The following TMOD4 variants were observed in gnomAD, a reference collection of about 807,000 sequenced individuals.
TMOD4 encodes the protein tropomodulin-4.
A neutral mutation model predicts 45.4 loss-of-function variants in TMOD4; 34 were observed. The observed-to-expected ratio is 0.75, with a 90% CI of 0.57 to 1.00. TMOD4 has a LOEUF of 1.00. Among genes scored for constraint, TMOD4 ranks in the 50% least tolerant of loss-of-function variants. TMOD4 has a pLI of 0.00. For missense variants in TMOD4, 399 were observed against 437.5 expected (o/e 0.91, Z 0.78); for synonymous variants, 131 against 153.9 (o/e 0.85, Z 1.10).
At chr1:151,172,725 C>T (rs1276073113) in intron 4 of TMOD4, among the ~76,000 whole-genome samples, 12 of 152,014 alleles carry the variant, frequency 7.9e-5, no homozygotes, top group Admixed American at 4.6e-4. Flanking sequence ...CTCCACCTCC[C>T]GGGTTCAAGC....
intron 5 of TMOD4, 62 bp from the exon 6 acceptor site, chr1:151,171,825 TTTC>T: frequency 1.3e-6 from 2 of 1,537,610 alleles, no homozygotes; most frequent in South Asian, 1.3e-5. Context: ...CCCCATTGGT[TTTC>T]TTTTCTTTTC....
chr1:151,175,160 TC>T (rs959746980), intron 1 of TMOD4: 8 of 385,140 alleles, frequency 2.1e-5, no homozygotes, highest in African/African-American at 1.5e-4. Context: ...GGGTTTGTCT[TC>T]CCACGGTATG....
chr1:151,172,430 T>C (rs771799404), intron 4 of TMOD4, 73 bp from the exon 5 acceptor site: 2 of 1,212,536 alleles, frequency 1.6e-6, no homozygotes, highest in East Asian at 2.4e-5. Context: ...TACCTATTTC[T>C]GAATCTGTTG....
Position 151,174,805 on chromosome 1 carries a change from C to T in TMOD4, c.71G>A (p.Ser24Asn), listed in dbSNP as rs760691394. 3 of 1,614,170 alleles carry T rather than the reference C, an allele frequency of 1.9e-6. No individual in the cohort carries two copies. Among genetic ancestry groups the T allele is most frequent in the South Asian group, 2.2e-5 (2 of 91,078 alleles). The stretch of plus-strand genomic sequence containing the variant: ...GTCCAGCTGCTCTAGCTCCTCGGGG[C>T]TCAAGGTCCTTAGGATCTCATCTTC... ...IDEDEILRTL[S>N]PEELEQLDCE... The change falls in exon 2 of 10, where the codon AGC becomes AAC. Residue 24 changes from serine (S) to asparagine (N), a missense_variant. Coordinates refer to ENST00000295314, the MANE Select transcript of TMOD4 (RefSeq NM_013353.3).
In TMOD4 at chr1:151,170,557, G is replaced by A; in HGVS notation, c.977C>T (p.Ala326Val). Residue 326 changes from alanine (A) to valine (V), a missense_variant, in exon 9 of 10, where the codon GCT (alanine) becomes GTT (valine). Coordinates refer to ENST00000295314, the MANE Select transcript of TMOD4 (RefSeq NM_013353.3). The stretch of plus-strand genomic sequence containing the variant: ...TCGGGTCATGGCCTGGGCTGCCCGA[G>A]CTCGTGGCCCCTGCTGTGTAAAGTG... The part of the protein sequence containing the change: ...GYHFTQQGPR[A>V]RAAQAMTRNN... 1 of 1,614,226 alleles carries A rather than the reference G, an allele frequency of 6.2e-7. No homozygotes were observed. Among genetic ancestry groups the A allele is most frequent in the Non-Finnish European group, 8.5e-7 (1 of 1,180,048 alleles).
chr1:151,174,626 G>A, intron 2 of TMOD4, 79 bp from the exon 3 acceptor site: 4 of 1,595,518 alleles, frequency 2.5e-6, no homozygotes, highest in Non-Finnish European at 1.7e-6. Flanking sequence ...AACATCACCG[G>A]ACACCTTTCC....
At position 151,170,344 on chromosome 1, in the gene TMOD4, T is replaced by G. The variant is rs587682722; in HGVS notation, c.1015+175A>C. The G allele has an allele frequency of 3.0e-5, 30 of 991,144 alleles. No homozygotes were observed. The Admixed American group carries it at 4.0e-4, about 13-fold the overall frequency. The allele number at this position is 991,144 out of a possible 1,614,324, so 61.4% of individuals were successfully genotyped here. A position where few individuals can be genotyped will look rare whatever the true frequency, so the allele number is the denominator to read the frequency against. On this transcript the variant is annotated intron_variant, in intron 9 of 9. Coordinates refer to ENST00000295314, the MANE Select transcript of TMOD4 (RefSeq NM_013353.3). Reference sequence around the variant, plus strand: ...TTCTACCTCTCTACTGGTCCATATTTGGGGCAGGGGGAGTTTTCTGTTTAC... The same window carrying G: ...TTCTACCTCTCTACTGGTCCATATTGGGGGCAGGGGGAGTTTTCTGTTTAC...
In TMOD4 at chr1:151,173,712, T is replaced by TCACGAAGGGA. The variant is rs1684021912; in HGVS notation, c.281-107_281-98dup. On this transcript the variant is annotated intron_variant, in intron 3 of 9. Transcript: ENST00000295314. ...CTCCTCCAGGAGGTAGAATGCTGCGTCACGAAGGGACACTGGAAAGCCTGA... is the reference window on the plus strand; with the variant it reads ...CTCCTCCAGGAGGTAGAATGCTGCGTCACGAAGGGACACGAAGGGACACTGGAAAGCCTGA... 3.5e-6 allele frequency: 3 copies of TCACGAAGGGA among 858,422 alleles called. No homozygotes were observed. The Admixed American group carries it at 5.6e-5, about 16-fold the overall frequency. The allele number at this position is 858,422 out of a possible 1,614,324, so 53.2% of individuals were successfully genotyped here.
chr1:151,175,100 G>C, intron 1 of TMOD4, 183 bp from the exon 2 acceptor site: 1 of 497,964 alleles, frequency 2.0e-6, no homozygotes, highest in Non-Finnish European at 3.6e-6. Context: ...TCTCCTTTCT[G>C]CTTCCCCAGC....
chr1:151,174,491 C>A lies in TMOD4; in HGVS notation c.180G>T (p.Thr60=), dbSNP rs769520615. 6.2e-7 allele frequency: 1 copy of A among 1,614,188 alleles called. No individual in the cohort carries two copies. Among genetic ancestry groups the A allele is most frequent in the Non-Finnish European group, 8.5e-7 (1 of 1,180,046 alleles). ...AAAGGGCCTCTCGGTCCAGTGGCCC[C>A]GTTGGGCTCTTCTTTGTCTGGTCAC... is the stretch of plus-strand genomic sequence containing the variant. The part of the protein sequence containing the change: ...RQRDQTKKSP[T]GPLDREALLQ... The change falls in exon 3 of 10, where the codon ACG becomes ACT. Residue 60 remains threonine (T), a synonymous_variant. Transcript: ENST00000295314.
At position 151,174,837 on chromosome 1, in the gene TMOD4, GTC is replaced by G. The variant is rs748463785; in HGVS notation, c.37_38del (p.Asp13HisfsTer3). On this transcript the variant is annotated frameshift_variant, in exon 2 of 10. Coordinates refer to ENST00000295314, the MANE Select transcript of TMOD4 (RefSeq NM_013353.3). LOFTEE classifies it high-confidence loss of function. ...SYQKELEKYR[D>X]IDEDEILRTL... ...TCCTTAGGATCTCATCTTCATCTATGTCTCTGTATTTCTCCAGTTCCTTCTGA... is the reference window on the plus strand; with the variant it reads ...TCCTTAGGATCTCATCTTCATCTATGTCTGTATTTCTCCAGTTCCTTCTGA... The G allele has an allele frequency of 5.0e-6, 8 of 1,614,064 alleles. No individual in the cohort carries two copies. The highest frequency in any genetic ancestry group is 6.8e-6 in the Non-Finnish European group (8 of 1,180,048).
chr1:151,172,349 C>G lies in TMOD4; in HGVS notation c.406G>C (p.Asp136His). 1.2e-6 allele frequency: 2 copies of G among 1,613,196 alleles called. No individual in the cohort carries two copies. The highest frequency in any genetic ancestry group is 4.5e-5 in the East Asian group (2 of 44,874). Residue 136 changes from aspartate to histidine, a missense_variant, in exon 5 of 10, where the codon GAC (aspartate) becomes CAC (histidine). Physicochemically the swap from Asp to His is moderately conservative, Grantham distance 81. Transcript: ENST00000295314. ...TTGTTACTCATCAGTGTGTACATGT[C>G]CAGAATTGCTGGAGAGGGTAAGAAG... ...AEMCDIAAILDMYTLMSNKQY... is the reference protein window; with the variant it reads ...AEMCDIAAILHMYTLMSNKQY...
At position 151,173,493 on chromosome 1, in the gene TMOD4, A is replaced by AC. The variant is rs780661161; in HGVS notation, c.397+5dup. ...CTCTCACCCTCAACTTCCCACAGCT[A>AC]CCCACCTGCAATGTCACACATTTCA... On this transcript the variant is annotated splice_donor_region_variant and intron_variant, in intron 4 of 9. Coordinates refer to ENST00000295314, the MANE Select transcript of TMOD4 (RefSeq NM_013353.3). 1.6e-5 allele frequency: 26 copies of AC among 1,611,400 alleles called. No homozygotes were observed. The highest frequency in any genetic ancestry group is 1.3e-4 in the East Asian group (6 of 44,870).
At chr1:151,173,405 A>G in intron 4 of TMOD4, 94 bp downstream of exon 4, 5 of 853,430 alleles carry the variant, frequency 5.9e-6, no homozygotes, top group South Asian at 5.8e-5. Flanking sequence ...AGACATCCAC[A>G]TTCTGGTTGA....
chr1:151,170,010 A>G lies in TMOD4; in HGVS notation c.*71T>C. The G allele has an allele frequency of 1.3e-6, 2 of 1,576,184 alleles. No homozygotes were observed. The highest frequency in any genetic ancestry group is 1.7e-4 in the Middle Eastern group (1 of 5,982). On this transcript the variant is annotated 3_prime_UTR_variant, in exon 10 of 10. Coordinates refer to ENST00000295314, the MANE Select transcript of TMOD4 (RefSeq NM_013353.3). Reference sequence around the variant, plus strand: ...AATGGATAGAAGGGCTTTTATTTACAGGAAAGGAGGACAGATGAGGATTTA... The same window carrying G: ...AATGGATAGAAGGGCTTTTATTTACGGGAAAGGAGGACAGATGAGGATTTA...
intron 4 of TMOD4, among the ~76,000 whole-genome samples, chr1:151,173,025 G>C (rs1572085135): frequency 6.6e-6 from 1 of 152,102 alleles, no homozygotes; most frequent in African/African-American, 2.4e-5. Flanking sequence ...GTTTCACCGT[G>C]TTAGCCAGGA....
chr1:151,172,264 TCA>T lies in TMOD4; in HGVS notation c.487+2_487+3del, dbSNP rs1399620289. ...TGGGGACCATGCTCCCCAAACACAC[TCA>T]CTGCTAATGCCTTCAGTGTTGCAGA... On this transcript the variant is annotated splice_donor_variant and splice_donor_region_variant and intron_variant, in intron 5 of 9. Transcript: ENST00000295314. LOFTEE classifies it high-confidence loss of function. The T allele has an allele frequency of 6.2e-7, 1 of 1,611,468 alleles. No individual in the cohort carries two copies. Among genetic ancestry groups the T allele is most frequent in the Non-Finnish European group, 8.5e-7 (1 of 1,178,166 alleles).
Position 151,174,435 on chromosome 1 carries a change from A to G in TMOD4, c.236T>C (p.Val79Ala), listed in dbSNP as rs752865919. Residue 79 changes from valine (V) to alanine (A), a missense_variant, in exon 3 of 10, where the codon GTC becomes GCC. Coordinates refer to ENST00000295314, the MANE Select transcript of TMOD4 (RefSeq NM_013353.3). The stretch of plus-strand genomic sequence containing the variant: ...GGGCACCAAGTCATCACGCTCTTTG[A>G]CTTCTAGTGCCTGTTGCTCCAAGTA... ...LQYLEQQALEVKERDDLVPFT... is the reference protein window; with the variant it reads ...LQYLEQQALEAKERDDLVPFT... 8 of 1,613,748 alleles carry G rather than the reference A, an allele frequency of 5.0e-6. No homozygotes were observed. In the East Asian group the frequency reaches 1.8e-4, roughly 36 times the overall value.
Position 151,171,531 on chromosome 1 carries a change from T to C in TMOD4, c.628A>G (p.Ile210Val). The part of the protein sequence containing the change: ...VNLNNIQDIP[I>V]PMLSELCEAM... ...TCACACAGCTCACTTAGCATGGGTA[T>C]TGGGATGTCCTATCGGAGGGGAATA... The change falls in exon 7 of 10, where the codon ATA becomes GTA. Residue 210 changes from isoleucine (I) to valine (V), a missense_variant. By Grantham distance (29) the Ile-to-Val change is conservative. Coordinates refer to ENST00000295314, the MANE Select transcript of TMOD4 (RefSeq NM_013353.3). 6.2e-7 allele frequency: 1 copy of C among 1,614,092 alleles called. No individual in the cohort carries two copies. The highest frequency in any genetic ancestry group is 8.5e-7 in the Non-Finnish European group (1 of 1,179,996).
Sources: gnomAD v4.1 joint callset for allele counts (sites outside exome capture counted in the v4.1 genomes callset) on GRCh38, gnomAD v4.1.1 for gene constraint, MANE v1.5 for transcripts, NCBI Gene and HGNC (gene_info 2026-07-23, HGNC 2026-07-21) for gene names.